R3HDM4: variants seen among roughly 807,000 people sequenced by gnomAD.
R3HDM4 encodes the protein R3H domain-containing protein 4.
Under a neutral mutation model 31.3 loss-of-function variants are expected in R3HDM4, and 30 were observed. The observed-to-expected ratio is 0.96, with a 90% CI of 0.72 to 1.30. The LOEUF (loss-of-function observed/expected upper bound fraction) is 1.30, where lower values mean the gene tolerates loss of function less well. R3HDM4 is among the 50% of genes most tolerant of loss of function. The pLI is 0.00. For missense variants in R3HDM4, 444 were observed against 366.1 expected, an observed-to-expected ratio of 1.21 and a Z score of -1.74; for synonymous variants, 196 against 156.6, an observed-to-expected ratio of 1.25 and a Z score of -1.88.
At position 900,170 on chromosome 19, in the gene R3HDM4, G is replaced by A. The variant is rs768263109; in HGVS notation, c.476-24C>T. On this transcript the variant is annotated intron_variant, in intron 4 of 7. Coordinates refer to ENST00000361574, the MANE Select transcript of R3HDM4 (RefSeq NM_138774.4). ...CTCTGCAGGAGTGGGGGAACAAGGGGCAGTCTTGGGGTGCTCGTCCTGGCC... is the reference window on the plus strand; with the variant it reads ...CTCTGCAGGAGTGGGGGAACAAGGGACAGTCTTGGGGTGCTCGTCCTGGCC... 7.1e-6 allele frequency: 11 copies of A among 1,539,152 alleles called. No homozygotes were observed. The Admixed American group carries it at 1.2e-4, about 16-fold the overall frequency.
chr19:911,234 A>T (rs1486975809), intron 1 of R3HDM4, among the ~76,000 whole-genome samples: 1 of 152,248 alleles, frequency 6.6e-6, no homozygotes, highest in Non-Finnish European at 1.5e-5. Context: ...TCGTGAGGTC[A>T]GGAAATCAAG....
chr19:903,509 G>A (rs566233934), intron 1 of R3HDM4, among the ~76,000 whole-genome samples: 4 of 152,158 alleles, frequency 2.6e-5, no homozygotes, highest in Non-Finnish European at 5.9e-5. Context: ...GGCGGCGTTT[G>A]GGGGGAGGTA....
intron 1 of R3HDM4, among the ~76,000 whole-genome samples, chr19:909,234 C>T (rs907930885): frequency 3.3e-5 from 5 of 152,150 alleles, no homozygotes; most frequent in South Asian, 2.1e-4. Context: ...ACCCTCAGTC[C>T]CTCGAGCAAA....
At chr19:904,492 C>A (rs887015314) in intron 1 of R3HDM4, among the ~76,000 whole-genome samples, 5 of 152,154 alleles carry the variant, frequency 3.3e-5, no homozygotes, top group African/African-American at 1.2e-4. Flanking sequence ...CTGCAACCCC[C>A]AAAAGACTGG....
chr19:904,139 T>C (rs2930887), intron 1 of R3HDM4, among the ~76,000 whole-genome samples: 5,099 of 152,250 alleles, frequency 0.033, 283 homozygotes, highest in African/African-American at 0.11. Context: ...CTCCAGGGTC[T>C]GGGGGTACCA....
In R3HDM4 at chr19:913,052, C is replaced by CG; in HGVS notation, c.71+34_71+35insC. 1 of 932,146 alleles carries CG rather than the reference C, an allele frequency of 1.1e-6. No homozygotes were observed. The highest frequency in any genetic ancestry group is 1.3e-6 in the Non-Finnish European group (1 of 769,910). The allele number at this position is 932,146 out of a possible 1,614,324, so 57.7% of individuals were successfully genotyped here. The stretch of plus-strand genomic sequence containing the variant: ...TCAGGGGAGGGAGCCCAGCCCGCCC[C>CG]CGGCGCCCGCCGCGCCCCGCCCGCC... On this transcript the variant is annotated intron_variant, in intron 1 of 7. Coordinates refer to ENST00000361574, the MANE Select transcript of R3HDM4 (RefSeq NM_138774.4). This position sits in a 1 kb window ranked among gnomAD's most constrained non-coding sequence, Gnocchi z 5.0.
Position 901,396 on chromosome 19 carries a change from G to A in R3HDM4, c.351+26C>T, listed in dbSNP as rs771212159. On this transcript the variant is annotated intron_variant, in intron 3 of 7. Transcript: ENST00000361574. ...AGAACTGCCGGGGTCCCCGTGTGGA[G>A]GGAGTGAGGGGGTTGGGGGCCACAC... 1.2e-5 allele frequency: 19 copies of A among 1,595,262 alleles called. No individual in the cohort carries two copies. In the South Asian group the frequency reaches 2.1e-4, roughly 18 times the overall value.
Position 900,803 on chromosome 19 carries a change from C to T in R3HDM4, c.475+26G>A, listed in dbSNP as rs753694261. 3.3e-5 allele frequency: 47 copies of T among 1,434,916 alleles called. No homozygotes were observed. In the East Asian group the frequency reaches 7.6e-4, roughly 23 times the overall value. The allele number at this position is 1,434,916 out of a possible 1,614,324, so 88.9% of individuals were successfully genotyped here. On this transcript the variant is annotated intron_variant, in intron 4 of 7. Coordinates refer to ENST00000361574, the MANE Select transcript of R3HDM4 (RefSeq NM_138774.4). ...CCCCCATCCATACCCTGGCCCCACC[C>T]ATACCCGCCCCAGCCAGGCCCGCAC...
chr19:902,388 T>C, intron 1 of R3HDM4: 1 of 473,058 alleles, frequency 2.1e-6, no homozygotes, highest in Non-Finnish European at 3.8e-6. Flanking sequence ...GGCCGGTGGA[T>C]CACTTGAGCT....
intron 1 of R3HDM4, among the ~76,000 whole-genome samples, chr19:912,594 GAGTGGGGGGAGTCGGACCCGGGA>G (rs987761566): frequency 3.1e-5 from 3 of 95,384 alleles, no homozygotes; most frequent in Non-Finnish European, 4.5e-5. Context: ...GCGGACCCGG[GAGTGGGGGGAGTCGGACCCGGGA>G]AGTGGGGGCG....
intron 1 of R3HDM4, among the ~76,000 whole-genome samples, chr19:903,247 C>A (rs559467408): frequency 1.3e-5 from 2 of 151,974 alleles, no homozygotes; most frequent in African/African-American, 4.8e-5. Context: ...GCAAACCCCC[C>A]CCTTAATGTC....
rs778102265 is a variant in R3HDM4 at position 900,863 on chromosome 19, CCTCCGCGCCTTG to C, written c.429_440del (p.Ser143_Arg146del). On this transcript the variant is annotated inframe_deletion, in exon 4 of 8. Transcript: ENST00000361574. ...GGTCCTCCCCACGGCCAGGGCCCCT[CCTCCGCGCCTTG>C]CTCCTGCCCTCATCCTCCAGGTAGC... The C allele has an allele frequency of 6.4e-7, 1 of 1,555,616 alleles. No homozygotes were observed. Among genetic ancestry groups the C allele is most frequent in the East Asian group, 2.4e-5 (1 of 41,802 alleles).
intron 1 of R3HDM4, among the ~76,000 whole-genome samples, chr19:906,921 G>A (rs1399517637): frequency 6.6e-6 from 1 of 151,860 alleles, no homozygotes; most frequent in Non-Finnish European, 1.5e-5. Context: ...GCTCAACCGA[G>A]TCTCCTGCCT....
chr19:900,968 G>A lies in R3HDM4; in HGVS notation c.352-16C>T. 6.4e-7 allele frequency: 1 copy of A among 1,554,456 alleles called. No homozygotes were observed. Among genetic ancestry groups the A allele is most frequent in the Non-Finnish European group, 8.7e-7 (1 of 1,149,072 alleles). ...CGTTCCAGACCTGGAAGAGAGGCAGGGAGGCAGGCTTGCCATGAAACACTG... is the reference window on the plus strand; with the variant it reads ...CGTTCCAGACCTGGAAGAGAGGCAGAGAGGCAGGCTTGCCATGAAACACTG... On this transcript the variant is annotated splice_polypyrimidine_tract_variant and intron_variant, in intron 3 of 7. Coordinates refer to ENST00000361574, the MANE Select transcript of R3HDM4 (RefSeq NM_138774.4).
chr19:904,262 CG>C (rs2036875784), intron 1 of R3HDM4, among the ~76,000 whole-genome samples: 1 of 152,160 alleles, frequency 6.6e-6, no homozygotes, highest in Non-Finnish European at 1.5e-5. Context: ...TTTCCCGTCC[CG>C]CCTCGGACCT....
chr19:905,627 G>A (rs1448711589), intron 1 of R3HDM4, among the ~76,000 whole-genome samples: 3 of 150,470 alleles, frequency 2.0e-5, no homozygotes, highest in Non-Finnish European at 3.0e-5. Flanking sequence ...GGAGGTTGCA[G>A]TGAGCCAAGA....
Position 913,068 on chromosome 19 carries a change from C to A in R3HDM4, c.71+19G>T. 1 of 1,022,358 alleles carries A rather than the reference C, an allele frequency of 9.8e-7. No individual in the cohort carries two copies. The highest frequency in any genetic ancestry group is 1.2e-6 in the Non-Finnish European group (1 of 851,058). 63.3% of individuals were successfully genotyped at this position (1,022,358 alleles called of 1,614,324 possible). A position where few individuals can be genotyped will look rare whatever the true frequency, so the allele number is the denominator to read the frequency against. On this transcript the variant is annotated intron_variant, in intron 1 of 7. Transcript: ENST00000361574. The surrounding 1 kb of genome is among the most constrained non-coding windows in gnomAD (Gnocchi z 5.0). ...AGCCCGCCCCCGGCGCCCGCCGCGC[C>A]CCGCCCGCCCGCGCTCACAGCAGCC...
In R3HDM4 at chr19:900,120, A is replaced by T. The variant is rs745675321; in HGVS notation, c.502T>A (p.Cys168Ser). The change falls in exon 5 of 8, where the codon TGC becomes AGC. Residue 168 changes from cysteine (C) to serine (S), a missense_variant. Physicochemically the swap from Cys to Ser is moderately radical, Grantham distance 112. Coordinates refer to ENST00000361574, the MANE Select transcript of R3HDM4 (RefSeq NM_138774.4). ...AGACGCCGGCTGATGCGCTGGAAGCACTCGCGGGGTGTATAGGCGGGGTCC... is the reference window on the plus strand; with the variant it reads ...AGACGCCGGCTGATGCGCTGGAAGCTCTCGCGGGGTGTATAGGCGGGGTCC... Reference protein sequence around the residue: ...REDPAYTPRECFQRISRRLRA... With the variant: ...REDPAYTPRESFQRISRRLRA... The T allele has an allele frequency of 4.4e-6, 7 of 1,601,604 alleles. No homozygotes were observed. In the East Asian group the frequency reaches 6.7e-5, roughly 15 times the overall value.
chr19:896,927 A>C lies in R3HDM4; in HGVS notation c.*510T>G, dbSNP rs531419883. 1 of 154,808 alleles carries C rather than the reference A, an allele frequency of 6.5e-6. No individual in the cohort carries two copies. Among genetic ancestry groups the C allele is most frequent in the Non-Finnish European group, 1.4e-5 (1 of 69,620 alleles). The allele number at this position is 154,808 out of a possible 1,614,324, so 9.6% of individuals were successfully genotyped here. A position where few individuals can be genotyped will look rare whatever the true frequency, so the allele number is the denominator to read the frequency against. On this transcript the variant is annotated 3_prime_UTR_variant, in exon 8 of 8. Transcript: ENST00000361574. The surrounding 1 kb of genome is among the most constrained non-coding windows in gnomAD (Gnocchi z 4.0). The stretch of plus-strand genomic sequence containing the variant: ...ATATACAACACAAGATGCTTCTGGC[A>C]TGAGGGGCAGGGTCCCAGAGACCCC...
Sources: gnomAD v4.1 joint callset for allele counts (sites outside exome capture counted in the v4.1 genomes callset) on GRCh38, gnomAD v4.1.1 for gene constraint, Gnocchi (gnomAD v3.1) non-coding constraint, MANE v1.5 for transcripts, NCBI Gene and HGNC (gene_info 2026-07-23, HGNC 2026-07-21) for gene names.